HDAC9: variants seen among roughly 807,000 people sequenced by gnomAD.
HDAC9 encodes histone deacetylase 9.
A neutral mutation model predicts 139.4 loss-of-function variants in HDAC9; 41 were observed. That is an observed-to-expected ratio of 0.29 (90% CI 0.23 to 0.38). HDAC9 has a LOEUF of 0.38. HDAC9 is among the 10% of genes least tolerant of loss of function. The probability of loss-of-function intolerance (pLI) is 1.00; values close to 1 mark genes in which losing one functional copy is unlikely to be tolerated. For missense variants in HDAC9, 1,147 were observed against 1,297.0 expected (o/e 0.88, Z 1.78); for synonymous variants, 517 against 476.2 (o/e 1.09, Z -1.12).
intron 2 of HDAC9, among the ~76,000 whole-genome samples, chr7:18,162,980 A>G (rs1008655693): frequency 4.6e-5 from 7 of 152,308 alleles, no homozygotes; most frequent in South Asian, 4.1e-4. Flanking sequence ...GGAATGATGA[A>G]GTAGGGTCAG....
intron 21 of HDAC9, among the ~76,000 whole-genome samples, chr7:18,866,703 C>T (rs1161120886): frequency 6.6e-6 from 1 of 152,094 alleles, no homozygotes; most frequent in Non-Finnish European, 1.5e-5. Flanking sequence ...GTGAAATTTG[C>T]TTTATAATTT....
chr7:18,522,759 G>C (rs1805498431), intron 2 of HDAC9, among the ~76,000 whole-genome samples: 1 of 152,090 alleles, frequency 6.6e-6, no homozygotes, highest in South Asian at 2.1e-4. Context: ...ATAACATTCA[G>C]TGACCATTAA....
Position 18,153,099 on chromosome 7 carries a change from T to C in HDAC9, c.-96-9130T>C, listed in dbSNP as rs190505819. 2.0e-5 allele frequency among the ~76,000 whole-genome samples: 3 copies of C among 152,156 alleles called. No homozygotes were observed. In the East Asian group the frequency reaches 5.8e-4, roughly 29 times the overall value. ...TGGGAGATGAGGTTGGTTCAACTCA[T>C]TAGTGAAGGTAAGTTCTTTGGAAAG... On this transcript the variant is annotated intron_variant, in intron 1 of 12. Transcript: ENST00000417496.
intron 1 of HDAC9, among the ~76,000 whole-genome samples, chr7:18,376,251 A>G (rs1331728391): frequency 6.6e-6 from 1 of 152,232 alleles, no homozygotes; most frequent in Admixed American, 6.5e-5. Context: ...CAATTAAAAA[A>G]ATTATCAAAA....
intron 11 of HDAC9, among the ~76,000 whole-genome samples, chr7:18,660,385 A>G (rs1792734093): frequency 6.6e-6 from 1 of 152,148 alleles, no homozygotes. Context: ...GAAGATGAAA[A>G]ACGGGTAGTT....
At chr7:18,671,569 C>T (rs1795679010) in intron 12 of HDAC9, among the ~76,000 whole-genome samples, 4 of 151,996 alleles carry the variant, frequency 2.6e-5, no homozygotes, top group Admixed American at 2.6e-4. Context: ...CATTTTAACT[C>T]AAGTATAGGC....
At chr7:18,366,914 A>G (rs1156549558) in intron 1 of HDAC9, among the ~76,000 whole-genome samples, 1 of 152,046 alleles carries the variant, frequency 6.6e-6, no homozygotes, top group Non-Finnish European at 1.5e-5. Flanking sequence ...TCTATAGAAA[A>G]TGCTTTGGAT....
chr7:18,249,798 C>A (rs1010057885), intron 2 of HDAC9, among the ~76,000 whole-genome samples: 5 of 152,056 alleles, frequency 3.3e-5, no homozygotes, highest in Non-Finnish European at 7.4e-5. Context: ...ATATTATAAT[C>A]TTCCTTTTAA....
intron 2 of HDAC9, among the ~76,000 whole-genome samples, chr7:18,221,587 A>C (rs1306395489): frequency 6.6e-6 from 1 of 152,210 alleles, no homozygotes; most frequent in East Asian, 1.9e-4. Flanking sequence ...GAGCTTCCAG[A>C]AAATTAGATG....
At chr7:18,117,022 C>T (rs1442923910) in intron 1 of HDAC9, among the ~76,000 whole-genome samples, 1 of 152,192 alleles carries the variant, frequency 6.6e-6, no homozygotes, top group Non-Finnish European at 1.5e-5. Context: ...ATGAACTTCA[C>T]ATTTGTAGCT....
chr7:18,825,759 TC>T (rs1402023409), intron 17 of HDAC9, among the ~76,000 whole-genome samples: 1 of 148,162 alleles, frequency 6.7e-6, no homozygotes, highest in African/African-American at 2.4e-5. Context: ...TATATAATTA[TC>T]AAAATTATAT....
At chr7:18,405,119 A>T (rs374575956) in intron 1 of HDAC9, among the ~76,000 whole-genome samples, 1 of 152,212 alleles carries the variant, frequency 6.6e-6, no homozygotes, top group Non-Finnish European at 1.5e-5. Context: ...CTCCATATAG[A>T]TAGTGGCCCC....
At chr7:18,622,438 C>T (rs1978072) in intron 6 of HDAC9, among the ~76,000 whole-genome samples, 78,668 of 151,894 alleles carry the variant, frequency 0.52, 23,737 homozygotes, top group Non-Finnish European at 0.68. Flanking sequence ...ATTCTGCTGC[C>T]TCAGCTCCCA....
chr7:18,138,096 G>A lies in HDAC9; in HGVS notation c.-96-24133G>A, dbSNP rs1434306282. Among the ~76,000 whole-genome samples, 4 of 152,220 alleles carry A rather than the reference G, an allele frequency of 2.6e-5. No homozygotes were observed. In the East Asian group the frequency reaches 7.7e-4, roughly 29 times the overall value. On this transcript the variant is annotated intron_variant, in intron 1 of 12. Coordinates refer to the HDAC9 transcript ENST00000417496. ...AGATTTTCTAGTTTATTTGCATAGA[G>A]GTGTTTGTAGTATTCTGTGATGGTA...
At chr7:18,111,793 A>T (rs1454962029) in intron 1 of HDAC9, among the ~76,000 whole-genome samples, 1 of 152,212 alleles carries the variant, frequency 6.6e-6, no homozygotes, top group Non-Finnish European at 1.5e-5. Flanking sequence ...AGGGTTGGGA[A>T]TGTTGCCAAG....
intron 11 of HDAC9, among the ~76,000 whole-genome samples, chr7:18,663,338 G>A (rs904669020): frequency 1.3e-5 from 2 of 152,130 alleles, no homozygotes; most frequent in Non-Finnish European, 2.9e-5. Flanking sequence ...GAGAAGAATC[G>A]CAACAGAAGA....
intron 1 of HDAC9, among the ~76,000 whole-genome samples, chr7:18,129,370 A>G (rs1377924034): frequency 6.6e-6 from 1 of 152,088 alleles, no homozygotes; most frequent in Non-Finnish European, 1.5e-5. Context: ...TAGACTCTAA[A>G]TTCATTGAGA....
chr7:18,461,022 G>T (rs1159744531), intron 1 of HDAC9, among the ~76,000 whole-genome samples: 3 of 152,006 alleles, frequency 2.0e-5, no homozygotes, highest in African/African-American at 7.2e-5. Context: ...TAAATAAGCG[G>T]CACTCTTTCT....
At position 18,517,324 on chromosome 7, in the gene HDAC9, G is replaced by A. The variant is rs537499166; in HGVS notation, c.22+21000G>A. ...TTCAAATAATACATTATGAAAATGCGTTCTGAGGATGTTTTATTTACTTGC... is the reference window on the plus strand; with the variant it reads ...TTCAAATAATACATTATGAAAATGCATTCTGAGGATGTTTTATTTACTTGC... On this transcript the variant is annotated intron_variant, in intron 2 of 25. Transcript: ENST00000686413. Among the ~76,000 whole-genome samples the A allele has an allele frequency of 5.3e-5, 8 of 152,252 alleles. 1 individual carries two copies. The South Asian group carries it at 1.2e-3, about 24-fold the overall frequency.
Sources: allele counts gnomAD v4.1 joint callset (sites outside exome capture counted in the v4.1 genomes callset), GRCh38; gene constraint gnomAD v4.1.1; transcripts MANE v1.5; gene names NCBI Gene and HGNC (gene_info 2026-07-23, HGNC 2026-07-21).